The following MACROD2 variants were observed in gnomAD, a reference collection of about 807,000 sequenced individuals.
MACROD2 encodes the protein ADP-ribose glycohydrolase MACROD2.
In MACROD2, 36 loss-of-function variants were observed where a neutral mutation model predicts 70.4. The ratio of observed to expected loss-of-function variants is 0.51; its 90% CI spans 0.39 to 0.68. MACROD2 has a LOEUF of 0.68. MACROD2 is among the 30% of genes least tolerant of loss of function. MACROD2 has a pLI of 0.00. For missense variants in MACROD2, 496 were observed against 538.4 expected (o/e 0.92, Z 0.78); for synonymous variants, 172 against 178.8 (o/e 0.96, Z 0.30).
At chr20:15,593,313 G>T (rs1229989588) in intron 8 of MACROD2, among the ~76,000 whole-genome samples, 1 of 152,154 alleles carries the variant, frequency 6.6e-6, no homozygotes, top group Non-Finnish European at 1.5e-5. Context: ...TTCTTAGGAT[G>T]AGACTCTGGT....
At chr20:14,307,366 C>T (rs1251274090) in intron 3 of MACROD2, among the ~76,000 whole-genome samples, 1 of 152,024 alleles carries the variant, frequency 6.6e-6, no homozygotes, top group Non-Finnish European at 1.5e-5. Context: ...ATTTTTTCTT[C>T]ACTATGGATT....
rs1465513405 is a variant in MACROD2 at position 15,636,097 on chromosome 20, GAAAAGAAAAGAA to G, written c.645+136261_645+136272del. 6.4e-3 allele frequency among the ~76,000 whole-genome samples: 452 copies of G among 70,534 alleles called. 1 individual carries two copies. Among genetic ancestry groups the G allele is most frequent in the African/African-American group, 0.02 (437 of 21,672 alleles). The allele number at this position is 70,534 out of a possible 152,430, so 46.3% of individuals were successfully genotyped here. ...AAAAGAAAAAAAAAAAAAAAAGAAA[GAAAAGAAAAGAA>G]AAAAGAAAAGGAAAAAGAGGAAAAA... On this transcript the variant is annotated intron_variant, in intron 8 of 17. Coordinates refer to ENST00000684519, the MANE Select transcript of MACROD2 (RefSeq NM_001351661.2).
At chr20:14,707,026 C>T (rs959057472) in intron 5 of MACROD2, among the ~76,000 whole-genome samples, 2 of 152,124 alleles carry the variant, frequency 1.3e-5, no homozygotes, top group African/African-American at 4.8e-5. Context: ...TCTTAGCCTC[C>T]CTTTTCTCCT....
Position 15,327,654 on chromosome 20 carries a change from G to T in MACROD2, c.540+97593G>T, listed in dbSNP as rs574823243. On this transcript the variant is annotated intron_variant, in intron 6 of 17. Coordinates refer to ENST00000684519, the MANE Select transcript of MACROD2 (RefSeq NM_001351661.2). ...AAATTACCTCCCACAACACATGGGG[G>T]TTATGGGAACTACAATTCAAGATGA... is the stretch of plus-strand genomic sequence containing the variant. 3.6e-4 allele frequency among the ~76,000 whole-genome samples: 55 copies of T among 152,148 alleles called. No homozygotes were observed. The South Asian group carries it at 0.011, about 32-fold the overall frequency.
intron 6 of MACROD2, among the ~76,000 whole-genome samples, chr20:15,353,491 A>G (rs1288987804): frequency 1.3e-5 from 2 of 152,152 alleles, no homozygotes; most frequent in Non-Finnish European, 2.9e-5. Flanking sequence ...ACAAAAGCCA[A>G]AATTGACAAA....
chr20:14,002,382 G>A lies in MACROD2; in HGVS notation c.141G>A (p.Met47Ile), dbSNP rs373985330. 33 of 1,603,838 alleles carry A rather than the reference G, an allele frequency of 2.1e-5. No individual in the cohort carries two copies. In the African/African-American group the frequency reaches 3.8e-4, roughly 18 times the overall value. The change falls in exon 2 of 18, where the codon ATG becomes ATA. Residue 47 changes from methionine (M) to isoleucine (I), a missense_variant. Met to Ile is a conservative substitution (Grantham distance 10, BLOSUM62 1). Coordinates refer to ENST00000684519, the MANE Select transcript of MACROD2 (RefSeq NM_001351661.2). ...GCATTCTATCATGGAAGGAGGAGAT[G>A]AAGGGCAAGGGCCAAAATGATGGTA... ...LNSILSWKEE[M>I]KGKGQNDEEN...
At chr20:15,897,446 T>C (rs717145) in intron 10 of MACROD2, among the ~76,000 whole-genome samples, 93,678 of 151,976 alleles carry the variant, frequency 0.62, 31,925 homozygotes, top group Non-Finnish European at 0.77. Context: ...TGGGCATCTT[T>C]CATTAGTTCT....
At chr20:14,653,855 A>T (rs1299375851) in intron 4 of MACROD2, among the ~76,000 whole-genome samples, 5 of 152,086 alleles carry the variant, frequency 3.3e-5, no homozygotes, top group Admixed American at 6.5e-5. Flanking sequence ...TATTTAGAAT[A>T]CCTCTGAGGC....
chr20:16,005,157 A>G (rs2066771014), intron 15 of MACROD2, among the ~76,000 whole-genome samples: 1 of 152,206 alleles, frequency 6.6e-6, no homozygotes, highest in Non-Finnish European at 1.5e-5. Flanking sequence ...CATTCTCTCT[A>G]CAAGGGTTGA....
At chr20:14,451,633 A>G (rs1282927665) in intron 3 of MACROD2, among the ~76,000 whole-genome samples, 7 of 152,252 alleles carry the variant, frequency 4.6e-5, no homozygotes, top group South Asian at 4.1e-4. Flanking sequence ...TTCCCAGGGC[A>G]CGTAGACTCA....
intron 8 of MACROD2, among the ~76,000 whole-genome samples, chr20:15,797,725 G>T (rs185116818): frequency 6.6e-6 from 1 of 152,228 alleles, no homozygotes; most frequent in Admixed American, 6.5e-5. Flanking sequence ...AATAATCAGG[G>T]TTCTATTAGC....
chr20:15,647,855 A>T (rs914193412), intron 8 of MACROD2, among the ~76,000 whole-genome samples: 8 of 151,846 alleles, frequency 5.3e-5, no homozygotes, highest in African/African-American at 1.9e-4. Context: ...AAGTAGCTGG[A>T]ACTACAGGCG....
chr20:14,474,459 ATG>A (rs1415794077), intron 3 of MACROD2, among the ~76,000 whole-genome samples: 1 of 152,170 alleles, frequency 6.6e-6, no homozygotes, highest in Non-Finnish European at 1.5e-5. Flanking sequence ...AGATGTTGGA[ATG>A]TTCCATAAAT....
At chr20:15,319,092 T>A (rs950725570) in intron 6 of MACROD2, among the ~76,000 whole-genome samples, 1 of 152,164 alleles carries the variant, frequency 6.6e-6, no homozygotes, top group Non-Finnish European at 1.5e-5. Flanking sequence ...AAACTGCTAG[T>A]GTTAGTAAAC....
intron 5 of MACROD2, among the ~76,000 whole-genome samples, chr20:14,786,465 T>C (rs555787229): frequency 1.8e-4 from 27 of 152,080 alleles, no homozygotes; most frequent in African/African-American, 5.8e-4. Context: ...TTATTTTTCT[T>C]CTGCTGGCCA....
intron 5 of MACROD2, among the ~76,000 whole-genome samples, chr20:14,811,697 T>TA (rs1487316416): frequency 6.6e-6 from 1 of 151,972 alleles, no homozygotes; most frequent in African/African-American, 2.4e-5. Context: ...AAAGGGCTAA[T>TA]ATCCAGAGTC....
chr20:14,978,668 C>T (rs959987006), intron 5 of MACROD2, among the ~76,000 whole-genome samples: 3 of 114,868 alleles, frequency 2.6e-5, no homozygotes, highest in Non-Finnish European at 4.9e-5. Flanking sequence ...AGACAATGAT[C>T]CCTGTGGTCC....
intron 5 of MACROD2, among the ~76,000 whole-genome samples, chr20:15,128,736 G>T (rs1471616715): frequency 6.6e-6 from 1 of 151,848 alleles, no homozygotes; most frequent in Non-Finnish European, 1.5e-5. Flanking sequence ...GAACTGTTAG[G>T]GTAATTAGGA....
intron 5 of MACROD2, among the ~76,000 whole-genome samples, chr20:14,811,825 A>G (rs1366667103): frequency 1.3e-5 from 2 of 152,184 alleles, no homozygotes; most frequent in East Asian, 3.8e-4. Context: ...GCATATGAAA[A>G]AAAGCTCATC....
Sources: allele counts gnomAD v4.1 joint callset (sites outside exome capture counted in the v4.1 genomes callset), GRCh38; gene constraint gnomAD v4.1.1; transcripts MANE v1.5; gene names NCBI Gene and HGNC (gene_info 2026-07-23, HGNC 2026-07-21).